Variants in VPS13C observed in about 807,000 individuals in gnomAD.
VPS13C encodes vacuolar protein sorting 13 homolog C.
In VPS13C, 358 loss-of-function variants were observed where a neutral mutation model predicts 456.8. The ratio of observed to expected loss-of-function variants is 0.78; its 90% CI spans 0.72 to 0.86. VPS13C has a LOEUF of 0.86. Ranked by LOEUF, VPS13C falls within the 40% of genes least tolerant of loss-of-function variation. The pLI is 0.00. For synonymous variants in VPS13C, 1,578 were observed against 1,486.7 expected (o/e 1.06, Z -1.41); for missense variants, 4,818 against 4,385.4 (o/e 1.10, Z -2.79).
At chr15:61,974,231 T>C (rs2045637424) in intron 25 of VPS13C, 57 bp downstream of exon 25, 1 of 1,481,608 alleles carries the variant, frequency 6.7e-7, no homozygotes, top group African/African-American at 1.4e-5. Flanking sequence ...AACTGACTTT[T>C]CATCACTGCT....
intron 83 of VPS13C, 33 bp from the exon 84 acceptor site, chr15:61,854,987 T>C: frequency 6.4e-7 from 1 of 1,559,260 alleles, no homozygotes; most frequent in Non-Finnish European, 8.7e-7. Context: ...AGAAAAGAAA[T>C]TATTCTGAGG....
chr15:62,000,279 C>T (rs2046562965), intron 16 of VPS13C, among the ~76,000 whole-genome samples: 1 of 152,120 alleles, frequency 6.6e-6, no homozygotes, highest in South Asian at 2.1e-4. Context: ...GTAGGAGAAT[C>T]ACTTGCACCC....
intron 3 of VPS13C, among the ~76,000 whole-genome samples, chr15:62,038,363 T>C (rs1300005790): frequency 6.6e-6 from 1 of 152,114 alleles, no homozygotes; most frequent in Non-Finnish European, 1.5e-5. Context: ...CCGAGGCGGA[T>C]AGATCACTTG....
chr15:61,866,161 A>G, intron 81 of VPS13C: 1 of 984,978 alleles, frequency 1.0e-6, no homozygotes, highest in Non-Finnish European at 1.2e-6. Flanking sequence ...AATAGCCTAA[A>G]TATTTCAATT....
intron 37 of VPS13C, 121 bp downstream of exon 37, chr15:61,958,487 C>T: frequency 1.7e-6 from 1 of 603,330 alleles, no homozygotes; most frequent in Non-Finnish European, 2.9e-6. Context: ...TGTTTGTTTA[C>T]TCGGTAATAC....
At chr15:62,024,757 C>G (rs909158301) in intron 6 of VPS13C, among the ~76,000 whole-genome samples, 2 of 152,076 alleles carry the variant, frequency 1.3e-5, no homozygotes, top group African/African-American at 2.4e-5. Flanking sequence ...CATCCCTGTC[C>G]TGTTCTATCT....
In VPS13C at chr15:61,911,902, C is replaced by A; in HGVS notation, c.8653G>T (p.Gly2885Cys). Residue 2885 changes from glycine to cysteine, a missense_variant, in exon 63 of 85, where the codon GGC becomes TGC. Coordinates refer to ENST00000644861, the MANE Select transcript of VPS13C (RefSeq NM_020821.3). ...ANKSSLELEV[G>C]EIASDGSMPT... Reference sequence around the variant, plus strand: ...ATTGAGCCATCAGATGCAATCTCGCCAACTTCTAGTTCTAATGATGACTTG... The same window carrying A: ...ATTGAGCCATCAGATGCAATCTCGCAAACTTCTAGTTCTAATGATGACTTG... 6.2e-7 allele frequency: 1 copy of A among 1,612,322 alleles called. No homozygotes were observed.
chr15:61,920,711 T>C, intron 55 of VPS13C, 64 bp from the exon 56 acceptor site: 1 of 1,456,766 alleles, frequency 6.9e-7, no homozygotes, highest in Non-Finnish European at 9.2e-7. Context: ...ATAAAAATGC[T>C]GGAGTTCAGT....
chr15:61,937,468 T>C (rs2044266235), intron 47 of VPS13C, among the ~76,000 whole-genome samples: 1 of 148,446 alleles, frequency 6.7e-6, no homozygotes, highest in Non-Finnish European at 1.5e-5. Flanking sequence ...TTAACTCAAG[T>C]TTCTTTTCTT....
intron 66 of VPS13C, among the ~76,000 whole-genome samples, chr15:61,900,158 A>C: frequency 6.6e-6 from 1 of 152,296 alleles, no homozygotes; most frequent in East Asian, 1.9e-4. Flanking sequence ...CCAATATCAT[A>C]CTGAATGGGC....
At chr15:61,911,360 C>T (rs1487501282) in intron 63 of VPS13C, among the ~76,000 whole-genome samples, 1 of 152,204 alleles carries the variant, frequency 6.6e-6, no homozygotes, top group East Asian at 1.9e-4. Flanking sequence ...AAGTCTGAAA[C>T]TCAGTTTCCT....
chr15:62,020,497 C>G lies in VPS13C; in HGVS notation c.666G>C (p.Leu222=), dbSNP rs751593338. 4 of 1,611,348 alleles carry G rather than the reference C, an allele frequency of 2.5e-6. No individual in the cohort carries two copies. In the African/African-American group the frequency reaches 5.4e-5, roughly 22 times the overall value. Residue 222 remains leucine (L), a synonymous_variant, in exon 9 of 85, where the codon CTG becomes CTC. Transcript: ENST00000644861. Reference sequence around the variant, plus strand: ...ACATTACCAGTAGACTAAGCTCTCCCAGTGTGACACCAAATGAAAGAGGCC... The same window carrying G: ...ACATTACCAGTAGACTAAGCTCTCCGAGTGTGACACCAAATGAAAGAGGCC... The part of the protein sequence containing the change: ...PKRPLSFGVT[L]GELSLLTANE...
At chr15:61,894,746 A>G (rs1271167462) in intron 66 of VPS13C, among the ~76,000 whole-genome samples, 1 of 152,182 alleles carries the variant, frequency 6.6e-6, no homozygotes, top group African/African-American at 2.4e-5. Flanking sequence ...AGAAAATAAT[A>G]ACAGATCTAA....
chr15:61,895,498 A>T (rs1310694078), intron 66 of VPS13C, among the ~76,000 whole-genome samples: 1 of 152,190 alleles, frequency 6.6e-6, no homozygotes, highest in Non-Finnish European at 1.5e-5. Context: ...AAAATCAGAC[A>T]TGAATAAGGA....
At chr15:62,028,527 T>A in intron 5 of VPS13C, 107 bp from the exon 6 acceptor site, 1 of 1,089,270 alleles carries the variant, frequency 9.2e-7, no homozygotes, top group African/African-American at 1.6e-5. Context: ...TTAGAAATCA[T>A]GTAACAGGGT....
chr15:61,975,293 G>GA (rs921489364), intron 24 of VPS13C, among the ~76,000 whole-genome samples: 4 of 151,386 alleles, frequency 2.6e-5, no homozygotes, highest in African/African-American at 4.9e-5. Context: ...AGGAAATCAG[G>GA]AAAAAAAAGA....
At chr15:61,854,679 G>T in intron 84 of VPS13C, 121 bp from the exon 85 acceptor site, 1 of 1,129,056 alleles carries the variant, frequency 8.9e-7, no homozygotes. Context: ...AAGGACCAAG[G>T]ATACAGTCCA....
At chr15:61,868,638 A>T (rs777876065) in intron 81 of VPS13C, 21 bp downstream of exon 81, 7 of 1,603,558 alleles carry the variant, frequency 4.4e-6, no homozygotes, top group Non-Finnish European at 4.3e-6. Context: ...TTCACTCGTG[A>T]CCATGAAGAA....
At chr15:61,870,543 T>C (rs1049826572) in intron 79 of VPS13C, among the ~76,000 whole-genome samples, 5 of 152,220 alleles carry the variant, frequency 3.3e-5, no homozygotes, top group African/African-American at 1.2e-4. Flanking sequence ...GATGGACATT[T>C]GGGTTGTTTC....
Sources: allele counts gnomAD v4.1 joint callset (sites outside exome capture counted in the v4.1 genomes callset), GRCh38; gene constraint gnomAD v4.1.1; transcripts MANE v1.5; gene names NCBI Gene and HGNC (gene_info 2026-07-23, HGNC 2026-07-21).